Variants in EVL observed in about 807,000 individuals in gnomAD.
The protein encoded by EVL is ena/VASP-like protein.
In EVL, 21 loss-of-function variants were observed where a neutral mutation model predicts 59.6. The observed-to-expected ratio is 0.35, with a 90% CI of 0.25 to 0.51. The LOEUF (loss-of-function observed/expected upper bound fraction) is 0.51, where lower values mean the gene tolerates loss of function less well. Among genes scored for constraint, EVL ranks in the 20% least tolerant of loss-of-function variants. The pLI, the probability that EVL is intolerant of heterozygous loss-of-function variation, is 0.97. For missense variants in EVL, 462 were observed against 546.6 expected, an observed-to-expected ratio of 0.85 and a Z score of 1.54; for synonymous variants, 198 against 203.5, an observed-to-expected ratio of 0.97 and a Z score of 0.23.
chr14:100,026,012 A>G (rs1309311852), intron 1 of EVL, among the ~76,000 whole-genome samples: 1 of 152,108 alleles, frequency 6.6e-6, no homozygotes, highest in South Asian at 2.1e-4. Flanking sequence ...GCATTTTGGG[A>G]GGCTGAGGCG....
At chr14:100,024,996 A>G (rs759018593) in intron 1 of EVL, among the ~76,000 whole-genome samples, 5 of 151,904 alleles carry the variant, frequency 3.3e-5, no homozygotes, top group Non-Finnish European at 7.4e-5. Context: ...AAATCCAACC[A>G]CTTCCTACTG....
At chr14:99,982,261 C>T (rs2060811952) in intron 1 of EVL, among the ~76,000 whole-genome samples, 1 of 152,044 alleles carries the variant, frequency 6.6e-6, no homozygotes, top group South Asian at 2.1e-4. Context: ...TGCACTTCCC[C>T]CTTACTAAAT....
chr14:100,101,414 G>A (rs1886214628), intron 3 of EVL, among the ~76,000 whole-genome samples: 1 of 152,140 alleles, frequency 6.6e-6, no homozygotes, highest in African/African-American at 2.4e-5. Flanking sequence ...CCAGGGGGCG[G>A]GATTACGGTG....
At chr14:100,133,536 C>T (rs1460693876) in intron 8 of EVL, among the ~76,000 whole-genome samples, 1 of 152,212 alleles carries the variant, frequency 6.6e-6, no homozygotes, top group Non-Finnish European at 1.5e-5. Flanking sequence ...ATAGCCCTCC[C>T]AGCTGATCCA....
At chr14:100,135,826 G>GT in intron 8 of EVL, 79 bp from the exon 9 acceptor site, 6 of 1,268,756 alleles carry the variant, frequency 4.7e-6, no homozygotes, top group Non-Finnish European at 6.8e-6. Context: ...GAAAACTGAG[G>GT]TTTTATGAAG....
At chr14:100,122,658 G>A (rs1270199532) in intron 3 of EVL, among the ~76,000 whole-genome samples, 3 of 152,192 alleles carry the variant, frequency 2.0e-5, no homozygotes, top group Admixed American at 2.0e-4. Flanking sequence ...AGGTATGAGA[G>A]CAGCCTGCCC....
Position 100,002,461 on chromosome 14 carries a change from A to G in EVL, c.5+30404A>G, listed in dbSNP as rs1342941101. 2.6e-5 allele frequency among the ~76,000 whole-genome samples: 4 copies of G among 152,218 alleles called. No individual in the cohort carries two copies. The East Asian group carries it at 7.7e-4, about 29-fold the overall frequency. On this transcript the variant is annotated intron_variant, in intron 1 of 13. Coordinates refer to the EVL transcript ENST00000402714. ...CATAACAATTATAATTATTACTGCTAATAGGCACTAAGTCATACCAGAATT... is the reference window on the plus strand; with the variant it reads ...CATAACAATTATAATTATTACTGCTGATAGGCACTAAGTCATACCAGAATT...
At chr14:100,068,645 T>C (rs1260822037) in intron 1 of EVL, among the ~76,000 whole-genome samples, 1 of 152,170 alleles carries the variant, frequency 6.6e-6, no homozygotes, top group Non-Finnish European at 1.5e-5. Context: ...ATTCAGGAAG[T>C]GCCGTGGTGC....
chr14:100,121,922 C>T (rs1055962302), intron 3 of EVL, among the ~76,000 whole-genome samples: 2 of 152,198 alleles, frequency 1.3e-5, no homozygotes, highest in Non-Finnish European at 2.9e-5. Context: ...TAGACAGGGT[C>T]GCTGGGACAG....
intron 1 of EVL, among the ~76,000 whole-genome samples, chr14:99,977,668 T>G (rs1487237273): frequency 6.6e-6 from 1 of 151,690 alleles, no homozygotes; most frequent in Non-Finnish European, 1.5e-5. Flanking sequence ...ACTCCTGACC[T>G]CGTGATTCGC....
At chr14:100,143,586 G>A in intron 13 of EVL, 115 bp from the exon 14 acceptor site, 2 of 1,296,014 alleles carry the variant, frequency 1.5e-6, no homozygotes, top group Non-Finnish European at 2.2e-6. Flanking sequence ...GGGCTCCCAG[G>A]AGATGGAACA....
intron 3 of EVL, among the ~76,000 whole-genome samples, chr14:100,115,898 C>T (rs1334555772): frequency 2.0e-5 from 3 of 152,244 alleles, no homozygotes; most frequent in African/African-American, 7.2e-5. Context: ...TCAACACTAG[C>T]TGCCTTTGTT....
Position 100,129,197 on chromosome 14 carries a change from T to A in EVL, c.718-366T>A, listed in dbSNP as rs143759713. Among the ~76,000 whole-genome samples the A allele has an allele frequency of 2.2e-4, 34 of 152,364 alleles. No individual in the cohort carries two copies. The East Asian group carries it at 6.4e-3, about 29-fold the overall frequency. On this transcript the variant is annotated intron_variant, in intron 6 of 13. Coordinates refer to ENST00000392920, the MANE Select transcript of EVL (RefSeq NM_016337.3). ...CTCATATGTTCTAGAACTGTGCTTG[T>A]AAGAATAGCTCTAATACAGACCTTT...
intron 1 of EVL, among the ~76,000 whole-genome samples, chr14:100,049,322 G>T (rs903738998): frequency 6.6e-6 from 1 of 152,226 alleles, no homozygotes; most frequent in African/African-American, 2.4e-5. Context: ...CTCAAAGCGT[G>T]TGAGTGTAGT....
At chr14:100,096,668 T>C (rs1281642332) in intron 2 of EVL, among the ~76,000 whole-genome samples, 1 of 152,216 alleles carries the variant, frequency 6.6e-6, no homozygotes, top group Non-Finnish European at 1.5e-5. Context: ...AGGGCACGAC[T>C]TAGGAATATA....
At chr14:100,034,703 A>T (rs2061363258) in intron 1 of EVL, among the ~76,000 whole-genome samples, 1 of 152,136 alleles carries the variant, frequency 6.6e-6, no homozygotes, top group African/African-American at 2.4e-5. Context: ...ATGCCATTGC[A>T]TTCCAGCCTG....
intron 2 of EVL, among the ~76,000 whole-genome samples, chr14:100,088,588 TATAA>T (rs1296044448): frequency 6.6e-6 from 1 of 152,192 alleles, no homozygotes; most frequent in Non-Finnish European, 1.5e-5. Flanking sequence ...TATTTGTGTG[TATAA>T]ATATACGTGA....
upstream of EVL, among the ~76,000 whole-genome samples, chr14:100,062,001 G>A (rs941795907): frequency 3.3e-5 from 5 of 151,932 alleles, no homozygotes; most frequent in Non-Finnish European, 7.4e-5. Context: ...CAGGCATGGT[G>A]GTAGCTCATG....
upstream of EVL, among the ~76,000 whole-genome samples, chr14:100,064,763 A>T (rs2061897001): frequency 6.6e-6 from 1 of 152,204 alleles, no homozygotes; most frequent in Non-Finnish European, 1.5e-5. Context: ...ATACAAAATT[A>T]GCTGGGCATG....
Sources: allele counts gnomAD v4.1 joint callset (sites outside exome capture counted in the v4.1 genomes callset), GRCh38; gene constraint gnomAD v4.1.1; transcripts MANE v1.5; gene names NCBI Gene and HGNC (gene_info 2026-07-23, HGNC 2026-07-21).